The following RSPH14 variants were observed in gnomAD, a reference collection of about 807,000 sequenced individuals.
RSPH14 encodes radial spoke head 14 homolog, also known as rhabdoid tumor deletion region gene 1.
In RSPH14, 20 loss-of-function variants were observed where a neutral mutation model predicts 26.7. The ratio of observed to expected loss-of-function variants is 0.75; its 90% CI spans 0.53 to 1.09. RSPH14 has a LOEUF of 1.09. Among genes scored for constraint, RSPH14 ranks in the 50% least tolerant of loss-of-function variants. The pLI is 0.00. For synonymous variants in RSPH14, 177 were observed against 189.3 expected, an observed-to-expected ratio of 0.93 and a Z score of 0.53; for missense variants, 449 against 457.2, an observed-to-expected ratio of 0.98 and a Z score of 0.16.
At chr22:23,168,497 CA>C in the RSPH14 span, among the ~76,000 whole-genome samples, 5 of 105,550 alleles carry the variant, frequency 4.7e-5, no homozygotes, top group Non-Finnish European at 1.0e-4. Context: ...CGCTCCCCGC[CA>C]CACACACACA....
intron 4 of RSPH14, among the ~76,000 whole-genome samples, chr22:23,127,787 C>G (rs1360031063): frequency 2.6e-5 from 4 of 152,184 alleles, no homozygotes; most frequent in African/African-American, 9.7e-5. Flanking sequence ...CCCTGAACCC[C>G]CAAATGACTT....
chr22:23,162,340 G>A, the RSPH14 span: 2 of 310,286 alleles, frequency 6.4e-6, no homozygotes, highest in South Asian at 2.9e-5. Context: ...TGTGCTGCGG[G>A]AGGCAGACTG....
upstream of RSPH14, chr22:23,145,065 A>C: frequency 2.2e-6 from 1 of 454,810 alleles, no homozygotes. Flanking sequence ...GATGGTAGGC[A>C]GGTCTATCTT....
At chr22:23,080,515 A>T (rs2068646460) in intron 4 of RSPH14, among the ~76,000 whole-genome samples, 1 of 152,232 alleles carries the variant, frequency 6.6e-6, no homozygotes, top group South Asian at 2.1e-4. Context: ...TGGCTTCAGG[A>T]TAGGCAGAGA....
chr22:23,125,957 G>A (rs976104468), intron 4 of RSPH14, among the ~76,000 whole-genome samples: 4 of 151,868 alleles, frequency 2.6e-5, no homozygotes, highest in Admixed American at 6.5e-5. Flanking sequence ...GCGCAGATAC[G>A]CACGCAGCCC....
chr22:23,099,026 G>A (rs1201131573), intron 4 of RSPH14, among the ~76,000 whole-genome samples: 2 of 152,272 alleles, frequency 1.3e-5, no homozygotes, highest in African/African-American at 2.4e-5. Context: ...TTGGGGCCCA[G>A]TGCCAGGGCT....
At chr22:23,100,409 T>C (rs2069263585) in intron 4 of RSPH14, among the ~76,000 whole-genome samples, 1 of 152,220 alleles carries the variant, frequency 6.6e-6, no homozygotes, top group Admixed American at 6.5e-5. Context: ...CTCTGCCACT[T>C]ATCTGAGAGA....
At chr22:23,159,228 G>C in the RSPH14 span, 1 of 1,601,672 alleles carries the variant, frequency 6.2e-7, no homozygotes, top group Non-Finnish European at 8.5e-7. Flanking sequence ...TGCAGGCCGA[G>C]TACTGGTCAG....
chr22:23,067,073 T>A (rs187312395), intron 4 of RSPH14, among the ~76,000 whole-genome samples: 6 of 152,052 alleles, frequency 3.9e-5, no homozygotes, highest in Non-Finnish European at 8.8e-5. Context: ...AATGTATGTG[T>A]TTGTGGGGAG....
At chr22:23,153,834 GC>G in the RSPH14 span, among the ~76,000 whole-genome samples, 7 of 151,482 alleles carry the variant, frequency 4.6e-5, no homozygotes, top group Non-Finnish European at 1.0e-4. Flanking sequence ...ACAGCTGTGT[GC>G]CCCCACACCC....
chr22:23,075,576 C>T (rs1307780655), intron 4 of RSPH14, among the ~76,000 whole-genome samples: 1 of 152,218 alleles, frequency 6.6e-6, no homozygotes, highest in African/African-American at 2.4e-5. Flanking sequence ...TAAGGTATAA[C>T]TCTCTTTTAG....
At chr22:23,079,341 T>C (rs2146265491) in intron 4 of RSPH14, among the ~76,000 whole-genome samples, 1 of 152,274 alleles carries the variant, frequency 6.6e-6, no homozygotes, top group East Asian at 1.9e-4. Flanking sequence ...GGAAGCGAAG[T>C]CCACTTGGCT....
chr22:23,180,113 C>G, the RSPH14 span: 2 of 263,200 alleles, frequency 7.6e-6, no homozygotes, highest in South Asian at 1.6e-4. Flanking sequence ...GAGAGCAGCT[C>G]TTGTCCCGGA....
intron 3 of RSPH14, 101 bp downstream of exon 3, chr22:23,138,739 G>T: frequency 1.0e-6 from 1 of 960,478 alleles, no homozygotes; most frequent in Non-Finnish European, 1.5e-6. Flanking sequence ...AACTGATGCG[G>T]CAGACAACAC....
At chr22:23,133,570 A>T (rs780248840) in intron 4 of RSPH14, among the ~76,000 whole-genome samples, 6 of 152,022 alleles carry the variant, frequency 3.9e-5, no homozygotes, top group Non-Finnish European at 7.4e-5. Context: ...TTCGTTTAGG[A>T]TATGCGCTTT....
the RSPH14 span, chr22:23,161,354 C>A: frequency 1.2e-6 from 1 of 800,648 alleles, no homozygotes. Context: ...AAGGCCCTCT[C>A]TTGGCTTGTG....
At chr22:23,095,510 C>T (rs921698627) in intron 4 of RSPH14, 24 of 641,338 alleles carry the variant, frequency 3.7e-5, no homozygotes, top group East Asian at 8.3e-5. Flanking sequence ...CTGCACAGAG[C>T]GCCATGCCGG....
chr22:23,096,344 G>C (rs1303018992), intron 4 of RSPH14: 1 of 1,613,550 alleles, frequency 6.2e-7, no homozygotes, highest in Non-Finnish European at 8.5e-7. Flanking sequence ...CCACTGCTTC[G>C]AGGGCGTCAC....
chr22:23,161,021 T>C, the RSPH14 span: 1 of 1,577,714 alleles, frequency 6.3e-7, no homozygotes. Flanking sequence ...GTGACTGGGT[T>C]GGGCTGGGGA....
Sources: allele counts gnomAD v4.1 joint callset (sites outside exome capture counted in the v4.1 genomes callset), GRCh38; gene constraint gnomAD v4.1.1; transcripts MANE v1.5; gene names NCBI Gene and HGNC (gene_info 2026-07-23, HGNC 2026-07-21).